The following STK3 variants were observed in gnomAD, a reference collection of about 807,000 sequenced individuals.
STK3 encodes the protein serine/threonine kinase 3.
In STK3, 41 loss-of-function variants were observed where a neutral mutation model predicts 58.0. That is an observed-to-expected ratio of 0.71 (90% confidence interval 0.55 to 0.92). STK3 has a LOEUF of 0.92. Ranked by LOEUF, STK3 falls within the 40% of genes least tolerant of loss-of-function variation. STK3 has a pLI of 0.00. For missense variants in STK3, 479 were observed against 602.7 expected (o/e 0.79, Z 2.15); for synonymous variants, 170 against 191.0 (o/e 0.89, Z 0.91).
At chr8:98,387,035 T>A (rs1203005075) in intron 1 of STK3, among the ~76,000 whole-genome samples, 1 of 152,126 alleles carries the variant, frequency 6.6e-6, no homozygotes, top group East Asian at 1.9e-4. Context: ...AAAATGCAAT[T>A]CTTAAAAATG....
At chr8:98,433,072 G>T (rs11783271) in intron 3 of STK3, among the ~76,000 whole-genome samples, 13,530 of 151,822 alleles carry the variant, frequency 0.089, 921 homozygotes, top group African/African-American at 0.19. Context: ...TGTTTTTTTT[G>T]TTTGTTTGTT....
intron 4 of STK3, among the ~76,000 whole-genome samples, chr8:98,736,180 A>G (rs1828581271): frequency 1.3e-5 from 2 of 152,174 alleles, no homozygotes; most frequent in Non-Finnish European, 2.9e-5. Flanking sequence ...ATAAACACCC[A>G]ATTAATTAAT....
At chr8:98,655,994 C>A (rs1378207109) in intron 6 of STK3, among the ~76,000 whole-genome samples, 1 of 152,114 alleles carries the variant, frequency 6.6e-6, no homozygotes, top group East Asian at 1.9e-4. Flanking sequence ...GGTATATACC[C>A]AAAGGACTAT....
At chr8:98,345,894 T>G in the STK3 span, among the ~76,000 whole-genome samples, 2 of 152,070 alleles carry the variant, frequency 1.3e-5, no homozygotes, top group African/African-American at 4.8e-5. Flanking sequence ...GATGGCAGAC[T>G]AGGCATTTCA....
chr8:98,903,842 T>A (rs1838780435), intron 1 of STK3, among the ~76,000 whole-genome samples: 1 of 152,182 alleles, frequency 6.6e-6, no homozygotes, highest in South Asian at 2.1e-4. Context: ...ACGTTTTTTA[T>A]CATCTGTCAC....
chr8:98,724,478 T>C (rs958315962), intron 4 of STK3, among the ~76,000 whole-genome samples: 1 of 152,214 alleles, frequency 6.6e-6, no homozygotes, highest in Non-Finnish European at 1.5e-5. Flanking sequence ...ATAGTGTGTA[T>C]GGTAAAATAG....
intron 10 of STK3, among the ~76,000 whole-genome samples, chr8:98,482,103 T>A (rs141454122): frequency 6.6e-6 from 1 of 152,348 alleles, no homozygotes; most frequent in Non-Finnish European, 1.5e-5. Flanking sequence ...CACATCCTGA[T>A]GTCACTTCAT....
At chr8:98,910,082 C>G (rs1839070249) in intron 1 of STK3, among the ~76,000 whole-genome samples, 1 of 152,084 alleles carries the variant, frequency 6.6e-6, no homozygotes, top group Non-Finnish European at 1.5e-5. Flanking sequence ...TTGATTTGTC[C>G]TTCTGTGACT....
chr8:98,383,452 G>A (rs751419802), intron 1 of STK3, among the ~76,000 whole-genome samples: 5 of 152,220 alleles, frequency 3.3e-5, no homozygotes, highest in Non-Finnish European at 5.9e-5. Context: ...ATGTCTGTCT[G>A]AGGGAGCAGC....
intron 9 of STK3, among the ~76,000 whole-genome samples, chr8:98,541,515 A>G (rs1254091840): frequency 6.6e-6 from 1 of 152,136 alleles, no homozygotes; most frequent in East Asian, 1.9e-4. Flanking sequence ...TTTTCTTTAT[A>G]TATTACCCAG....
At chr8:98,397,323 G>A (rs911253773), downstream of STK3, among the ~76,000 whole-genome samples, 7 of 152,174 alleles carry the variant, frequency 4.6e-5, no homozygotes, top group Non-Finnish European at 1.0e-4. Context: ...GAATCCAGGA[G>A]TTCAAAACTA....
chr8:98,711,727 A>G (rs1326863550), intron 4 of STK3, among the ~76,000 whole-genome samples: 1 of 152,264 alleles, frequency 6.6e-6, no homozygotes, highest in Non-Finnish European at 1.5e-5. Context: ...ATCATCCAGG[A>G]GAACTTCCTC....
chr8:98,674,483 G>A (rs945243173), intron 6 of STK3, among the ~76,000 whole-genome samples: 1 of 152,052 alleles, frequency 6.6e-6, no homozygotes, highest in Admixed American at 6.6e-5. Context: ...AAATCATAGG[G>A]CTAGATTTGT....
intron 2 of STK3, among the ~76,000 whole-genome samples, chr8:98,372,445 C>G (rs747893102): frequency 6.6e-6 from 1 of 152,196 alleles, no homozygotes; most frequent in Admixed American, 6.5e-5. Context: ...TCCTGTGAGA[C>G]GACGCAGACT....
chr8:98,406,959 C>T (rs1029263649), intron 3 of STK3, among the ~76,000 whole-genome samples: 2 of 152,166 alleles, frequency 1.3e-5, no homozygotes, highest in African/African-American at 4.8e-5. Flanking sequence ...CCAGCCTTAG[C>T]GTCCCTGAGT....
chr8:98,771,905 AT>A (rs1014824101), intron 2 of STK3, among the ~76,000 whole-genome samples: 4 of 151,564 alleles, frequency 2.6e-5, no homozygotes, highest in African/African-American at 7.3e-5. Flanking sequence ...ATCATTTCTA[AT>A]TTTTTTTCTA....
intron 1 of STK3, among the ~76,000 whole-genome samples, chr8:98,790,653 G>A (rs1303447547): frequency 6.6e-6 from 1 of 152,126 alleles, no homozygotes; most frequent in East Asian, 1.9e-4. Context: ...CATAGTACTG[G>A]AAGTCCTAGA....
intron 6 of STK3, among the ~76,000 whole-genome samples, chr8:98,653,765 C>T (rs1249882765): frequency 1.3e-5 from 2 of 152,148 alleles, no homozygotes; most frequent in Non-Finnish European, 2.9e-5. Flanking sequence ...CACATACACC[C>T]TCCCAAGACT....
intron 1 of STK3, chr8:98,883,984 G>A (rs1326196482): frequency 4.3e-6 from 2 of 464,090 alleles, no homozygotes; most frequent in Non-Finnish European, 7.8e-6. Flanking sequence ...ATCCTGAGAA[G>A]AGCAGGAGTT....
Sources: gnomAD v4.1 joint callset for allele counts (sites outside exome capture counted in the v4.1 genomes callset) on GRCh38, gnomAD v4.1.1 for gene constraint, MANE v1.5 for transcripts, NCBI Gene and HGNC (gene_info 2026-07-23, HGNC 2026-07-21) for gene names.